Variants in GOLGA3 observed in about 807,000 individuals in gnomAD.
GOLGA3 encodes the protein golgin subfamily A member 3.
GOLGA3 carries 75 observed loss-of-function variants against 169.4 expected under a neutral mutation model. The ratio of observed to expected loss-of-function variants is 0.44; its 90% confidence interval spans 0.37 to 0.54. The LOEUF is 0.54. GOLGA3 is among the 20% of genes least tolerant of loss of function. The pLI is 0.00. For synonymous variants in GOLGA3, 824 were observed against 822.4 expected, an observed-to-expected ratio of 1.00 and a Z score of -0.03; for missense variants, 1,899 against 1,930.0, an observed-to-expected ratio of 0.98 and a Z score of 0.30.
chr12:132,794,626 T>C (rs1366922510), intron 11 of GOLGA3, among the ~76,000 whole-genome samples: 1 of 149,830 alleles, frequency 6.7e-6, no homozygotes, highest in Non-Finnish European at 1.5e-5. Flanking sequence ...AGAAATAACA[T>C]ATAGCTCCAC....
intron 3 of GOLGA3, among the ~76,000 whole-genome samples, chr12:132,815,624 A>C (rs980545949): frequency 6.6e-6 from 1 of 152,240 alleles, no homozygotes; most frequent in African/African-American, 2.4e-5. Flanking sequence ...GGCCAGGTAC[A>C]GTGGCTCACG....
intron 13 of GOLGA3, among the ~76,000 whole-genome samples, chr12:132,787,860 C>A (rs113981706): frequency 0.1 from 4,757 of 46,094 alleles, 1,179 homozygotes; most frequent in East Asian, 0.26. Flanking sequence ...CCCGGAGACC[C>A]CGGGACCCCT....
intron 8 of GOLGA3, 125 bp from the exon 9 acceptor site, chr12:132,798,602 C>A (rs1003996919): frequency 7.0e-6 from 5 of 716,412 alleles, no homozygotes; most frequent in Non-Finnish European, 9.2e-6. Context: ...CCACGCAAGC[C>A]CCACTACCCA....
At position 132,786,397 on chromosome 12, in the gene GOLGA3, G is replaced by T. The variant is rs552029921; in HGVS notation, c.3065C>A (p.Ala1022Glu). Residue 1022 changes from alanine to glutamate, a missense_variant, in exon 15 of 24, where the codon GCG becomes GAG. Physicochemically the swap from Ala to Glu is moderately radical, Grantham distance 107. Coordinates refer to ENST00000450791, the MANE Select transcript of GOLGA3 (RefSeq NM_001389683.1). ...EALAAKEAAD[A>E]ELGQLRAQGG... ...CTGGGCTCGGAGCTGGCCCAGCTCC[G>T]CGTCCGCAGCCTCCTTGGCCGCGAG... 2 of 1,612,420 alleles carry T rather than the reference G, an allele frequency of 1.2e-6. No individual in the cohort carries two copies. The highest frequency in any genetic ancestry group is 1.7e-5 in the Admixed American group (1 of 59,920).
At chr12:132,812,044 C>T (rs1490671762) in intron 4 of GOLGA3, among the ~76,000 whole-genome samples, 3 of 148,850 alleles carry the variant, frequency 2.0e-5, no homozygotes, top group Non-Finnish European at 4.4e-5. Flanking sequence ...AAAAAGTAGC[C>T]GGGCATGGTG....
chr12:132,796,233 T>G lies in GOLGA3; in HGVS notation c.2101-13A>C. On this transcript the variant is annotated splice_polypyrimidine_tract_variant and intron_variant, in intron 10 of 23. Transcript: ENST00000450791. The stretch of plus-strand genomic sequence containing the variant: ...AAGTCAACTTCACCTGGAGAAGGAA[T>G]GAAGCCCACATGGCTGCGCCTGACC... The G allele has an allele frequency of 6.3e-7, 1 of 1,579,720 alleles. No homozygotes were observed. Among genetic ancestry groups the G allele is most frequent in the South Asian group, 1.1e-5 (1 of 89,564 alleles).
rs1175714803 is a variant in GOLGA3, at chr12:132,784,265, G to A, written c.3166C>T (p.His1056Tyr). ...ALEAELQAVSHSKTLLEKELQ... is the reference protein window; with the variant it reads ...ALEAELQAVSYSKTLLEKELQ... ...TCCTTTTCCAGCAGCGTCTTGCTAT[G>A]ACTGACAGCCTGCAGCTCCGCCTCC... The change falls in exon 16 of 24, where the codon CAT becomes TAT. Residue 1056 changes from histidine (H) to tyrosine (Y), a missense_variant. His to Tyr is a moderately conservative substitution (Grantham distance 83, BLOSUM62 2). Coordinates refer to ENST00000450791, the MANE Select transcript of GOLGA3 (RefSeq NM_001389683.1). 1 of 1,610,744 alleles carries A rather than the reference G, an allele frequency of 6.2e-7. No homozygotes were observed. Among genetic ancestry groups the A allele is most frequent in the Admixed American group, 1.7e-5 (1 of 60,014 alleles).
chr12:132,800,559 G>T (rs904320151), intron 8 of GOLGA3, among the ~76,000 whole-genome samples: 3 of 152,172 alleles, frequency 2.0e-5, no homozygotes, highest in Non-Finnish European at 2.9e-5. Context: ...AACTCTAGAT[G>T]TAAAAGGAAC....
intron 1 of GOLGA3, among the ~76,000 whole-genome samples, chr12:132,827,199 C>T (rs890424579): frequency 9.9e-5 from 15 of 152,238 alleles, no homozygotes; most frequent in Admixed American, 3.3e-4. Flanking sequence ...CAACAGAGCA[C>T]AGCCAAAAAC....
chr12:132,784,360 C>T (rs1335236165), intron 15 of GOLGA3, 53 bp from the exon 16 acceptor site: 6 of 1,492,748 alleles, frequency 4.0e-6, no homozygotes, highest in Non-Finnish European at 5.5e-6. Context: ...CCTGACCCCC[C>T]TCACTTCCTG....
Position 132,807,995 on chromosome 12 carries a change from G to A in GOLGA3, c.1074C>T (p.Phe358=), listed in dbSNP as rs762051561. 3 of 1,613,016 alleles carry A rather than the reference G, an allele frequency of 1.9e-6. No homozygotes were observed. Among genetic ancestry groups the A allele is most frequent in the East Asian group, 2.2e-5 (1 of 44,882 alleles). The change falls in exon 5 of 24, where the codon TTC becomes TTT. Residue 358 remains phenylalanine (F), a synonymous_variant. Coordinates refer to ENST00000450791, the MANE Select transcript of GOLGA3 (RefSeq NM_001389683.1). The part of the protein sequence containing the change: ...QEIPADTLGQ[F]PSIKDVLQAA... ...CCTGGAGGACGTCCTTAATGGAGGG[G>A]AACTGGCCCAGGGTATCCGCAGGAA... is the stretch of plus-strand genomic sequence containing the variant.
chr12:132,804,951 C>T lies in GOLGA3; in HGVS notation c.1362G>A (p.Glu454=), dbSNP rs1490413126. 3 of 1,613,186 alleles carry T rather than the reference C, an allele frequency of 1.9e-6. No homozygotes were observed. The highest frequency in any genetic ancestry group is 2.5e-6 in the Non-Finnish European group (3 of 1,179,974). Residue 454 remains glutamate (E), a synonymous_variant, in exon 7 of 24, where the codon GAG becomes GAA. Coordinates refer to ENST00000450791, the MANE Select transcript of GOLGA3 (RefSeq NM_001389683.1). The surrounding 1 kb of genome is among the most constrained non-coding windows in gnomAD (Gnocchi z 4.1). ...ALSTKLQAQV[E]CSHSSQQRQD... ...GCCGCTGCTGGCTGCTGTGGCTGCACTCCACCTGCGCCTGCAGCTTCGTGC... is the reference window on the plus strand; with the variant it reads ...GCCGCTGCTGGCTGCTGTGGCTGCATTCCACCTGCGCCTGCAGCTTCGTGC...
At chr12:132,779,046 G>A (rs2045404505) in intron 18 of GOLGA3, among the ~76,000 whole-genome samples, 1 of 152,220 alleles carries the variant, frequency 6.6e-6, no homozygotes, top group Non-Finnish European at 1.5e-5. Context: ...GTGGGGCCAA[G>A]AGAAAGCTGT....
In GOLGA3 at chr12:132,770,851, T is replaced by G. The variant is rs1370768776; in HGVS notation, c.*2254A>C. ...GGTTTTGCCATGTTGGCCAGGATGG[T>G]CTGGACCTCTTGACCTCAGGTGATC... On this transcript the variant is annotated 3_prime_UTR_variant, in exon 24 of 24. Coordinates refer to ENST00000450791, the MANE Select transcript of GOLGA3 (RefSeq NM_001389683.1). The G allele has an allele frequency of 6.6e-6, 1 of 152,238 alleles. No individual in the cohort carries two copies. The highest frequency in any genetic ancestry group is 1.5e-5 in the Non-Finnish European group (1 of 68,060). 9.4% of individuals were successfully genotyped at this position (152,238 alleles called of 1,614,324 possible).
chr12:132,821,660 T>C lies in GOLGA3; in HGVS notation c.133+336A>G, dbSNP rs112189038. Among the ~76,000 whole-genome samples, 224 of 151,576 alleles carry C rather than the reference T, an allele frequency of 1.5e-3. 1 individual carries two copies. The highest frequency in any genetic ancestry group is 6.8e-3 in the Middle Eastern group (2 of 292). ...ACGAAGTCAGGAGATCGAGACCATC[T>C]TGGCTAACACGGTGAAACCCCGTCT... On this transcript the variant is annotated intron_variant, in intron 2 of 23. Transcript: ENST00000450791.
rs1159889363 is a variant in GOLGA3, at chr12:132,777,351, C to T, written c.3723-261G>A. Among the ~76,000 whole-genome samples the T allele has an allele frequency of 2.0e-5, 3 of 151,802 alleles. No homozygotes were observed. The highest frequency in any genetic ancestry group is 7.3e-5 in the African/African-American group (3 of 41,370). On this transcript the variant is annotated intron_variant, in intron 19 of 23. Coordinates refer to ENST00000450791, the MANE Select transcript of GOLGA3 (RefSeq NM_001389683.1). The surrounding 1 kb of genome is among the most constrained non-coding windows in gnomAD (Gnocchi z 4.7). ...ACCCCTCACAGATCCCAGAGAGTGC[C>T]GGCCCCGAGACCACAGTGCATGGGA...
chr12:132,819,684 T>C (rs566097331), intron 2 of GOLGA3, among the ~76,000 whole-genome samples: 1 of 152,302 alleles, frequency 6.6e-6, no homozygotes, highest in South Asian at 2.1e-4. Flanking sequence ...GAGACGCCTT[T>C]CATGCAAAGG....
At chr12:132,801,083 G>A (rs777117009) in intron 8 of GOLGA3, among the ~76,000 whole-genome samples, 5 of 152,236 alleles carry the variant, frequency 3.3e-5, no homozygotes, top group Middle Eastern at 3.2e-3. Flanking sequence ...TTCGCCTGTC[G>A]GTCTGGGCGT....
intron 2 of GOLGA3, 137 bp downstream of exon 2, chr12:132,821,859 A>C: frequency 1.7e-6 from 1 of 591,694 alleles, no homozygotes; most frequent in East Asian, 3.3e-5. Flanking sequence ...GTCTCAAAAA[A>C]AAAAAAAAAA....
Sources: gnomAD v4.1 joint callset for allele counts (sites outside exome capture counted in the v4.1 genomes callset) on GRCh38, gnomAD v4.1.1 for gene constraint, Gnocchi (gnomAD v3.1) non-coding constraint, MANE v1.5 for transcripts, NCBI Gene and HGNC (gene_info 2026-07-23, HGNC 2026-07-21) for gene names.